The following DNAH9 variants were observed in gnomAD, a reference collection of about 807,000 sequenced individuals.
DNAH9 encodes the protein dynein axonemal heavy chain 9, also known as DNAH9 variant protein.
Under a neutral mutation model 471.6 loss-of-function variants are expected in DNAH9, and 345 were observed. The ratio of observed to expected loss-of-function variants is 0.73; its 90% CI spans 0.67 to 0.80. DNAH9 has a LOEUF of 0.80. Ranked by LOEUF, DNAH9 falls within the 30% of genes least tolerant of loss-of-function variation. The probability of loss-of-function intolerance (pLI) is 0.00; values close to 1 mark genes in which losing one functional copy is unlikely to be tolerated. For synonymous variants in DNAH9, 2,093 were observed against 2,123.6 expected, an observed-to-expected ratio of 0.99 and a Z score of 0.40; for missense variants, 5,407 against 5,609.2, an observed-to-expected ratio of 0.96 and a Z score of 1.15.
chr17:11,757,561 C>A lies in DNAH9; in HGVS notation c.6864C>A (p.Asn2288Lys). Reference sequence around the variant, plus strand: ...TGCTCACAGGGATCTTGTACATCAACCCGGCAGACTTGGGATGGAACCCTC... The same window carrying A: ...TGCTCACAGGGATCTTGTACATCAAACCGGCAGACTTGGGATGGAACCCTC... The part of the protein sequence containing the change: ...TVSRAGILYI[N>K]PADLGWNPPV... The change falls in exon 35 of 69, where the codon AAC becomes AAA. Residue 2288 changes from asparagine to lysine, a missense_variant. Around this residue, in one of 3 missense-constraint regions of DNAH9, gnomAD observed 4,636 missense variants for 4,900.3 expected, o/e 0.95. Transcript: ENST00000262442. 6.2e-7 allele frequency: 1 copy of A among 1,613,568 alleles called. No individual in the cohort carries two copies. Among genetic ancestry groups the A allele is most frequent in the African/African-American group, 1.3e-5 (1 of 75,008 alleles).
At chr17:11,852,814 G>GTGTGTGTATATATATA (rs1169950713) in intron 49 of DNAH9, among the ~76,000 whole-genome samples, 3 of 92,680 alleles carry the variant, frequency 3.2e-5, no homozygotes, top group Non-Finnish European at 6.5e-5. Flanking sequence ...GTGTGTGTGT[G>GTGTGTGTATATATATA]TATATATATA....
chr17:11,963,250 C>T (rs1321744700), intron 68 of DNAH9, among the ~76,000 whole-genome samples: 1 of 152,018 alleles, frequency 6.6e-6, no homozygotes, highest in African/African-American at 2.4e-5. Flanking sequence ...GCCTGACCAA[C>T]ATGGAGAAAC....
chr17:11,740,360 A>T (rs1300744725), intron 29 of DNAH9, among the ~76,000 whole-genome samples: 1 of 152,204 alleles, frequency 6.6e-6, no homozygotes, highest in Non-Finnish European at 1.5e-5. Context: ...TATTTCTCAC[A>T]GTTCTAGAGA....
intron 67 of DNAH9, among the ~76,000 whole-genome samples, chr17:11,959,666 A>G (rs1975912767): frequency 1.3e-5 from 2 of 152,208 alleles, no homozygotes; most frequent in Non-Finnish European, 2.9e-5. Context: ...CTTGCTCATC[A>G]AATTCGGGTT....
Position 11,619,610 on chromosome 17 carries a change from A to C in DNAH9, c.1179A>C (p.Lys393Asn), listed in dbSNP as rs778947231. The C allele has an allele frequency of 6.2e-7, 1 of 1,614,146 alleles. No homozygotes were observed. Reference protein sequence around the residue: ...LRSEVEESQRKLQVVSDTLSF... With the variant: ...LRSEVEESQRNLQVVSDTLSF... Reference sequence around the variant, plus strand: ...GTGAGGTAGAAGAAAGTCAGAGAAAACTGCAAGTGGTCTCAGACACTTTGA... The same window carrying C: ...GTGAGGTAGAAGAAAGTCAGAGAAACCTGCAAGTGGTCTCAGACACTTTGA... Residue 393 changes from lysine to asparagine, a missense_variant, in exon 6 of 69, where the codon AAA (lysine) becomes AAC (asparagine). By Grantham distance (94) the Lys-to-Asn change is moderately conservative (BLOSUM62 0). Around this residue, in one of 3 missense-constraint regions of DNAH9, gnomAD observed 767 missense variants for 692.5 expected, o/e 1.11. Coordinates refer to ENST00000262442, the MANE Select transcript of DNAH9 (RefSeq NM_001372.4).
chr17:11,698,205 A>AT (rs1368016453), intron 22 of DNAH9, among the ~76,000 whole-genome samples: 3 of 120,406 alleles, frequency 2.5e-5, no homozygotes, highest in Admixed American at 1.1e-4. Flanking sequence ...ATAATATATT[A>AT]ATAATATAAT....
At chr17:11,774,738 A>T (rs1221026321) in intron 38 of DNAH9, among the ~76,000 whole-genome samples, 1 of 152,158 alleles carries the variant, frequency 6.6e-6, no homozygotes, top group African/African-American at 2.4e-5. Context: ...ATACATGCAG[A>T]TCTATTTCAT....
intron 36 of DNAH9, among the ~76,000 whole-genome samples, chr17:11,766,565 C>A (rs549117698): frequency 1.3e-5 from 2 of 152,304 alleles, no homozygotes; most frequent in Middle Eastern, 6.8e-3. Context: ...GTCCTCATGT[C>A]CTCCAGGTTA....
At chr17:11,748,743 G>A (rs1350964020) in intron 32 of DNAH9, among the ~76,000 whole-genome samples, 1 of 152,144 alleles carries the variant, frequency 6.6e-6, no homozygotes. Context: ...CTGGAGGACA[G>A]CAGAAAAGAA....
intron 8 of DNAH9, among the ~76,000 whole-genome samples, chr17:11,633,147 A>G (rs10521184): frequency 0.41 from 62,769 of 151,972 alleles, 13,298 homozygotes; most frequent in Middle Eastern, 0.49. Flanking sequence ...AGATCAGGTA[A>G]TACAAAGTGT....
At chr17:11,726,081 A>G (rs1426777453) in intron 27 of DNAH9, among the ~76,000 whole-genome samples, 1 of 152,020 alleles carries the variant, frequency 6.6e-6, no homozygotes, top group African/African-American at 2.4e-5. Context: ...CTCTGCACAT[A>G]TCATTATTCT....
At chr17:11,804,448 T>C (rs1969584688) in intron 43 of DNAH9, among the ~76,000 whole-genome samples, 1 of 152,122 alleles carries the variant, frequency 6.6e-6, no homozygotes, top group Non-Finnish European at 1.5e-5. Context: ...AACACTTCAG[T>C]TGAAAAGCAG....
chr17:11,687,186 G>A (rs1039119076), intron 19 of DNAH9, among the ~76,000 whole-genome samples: 1 of 152,066 alleles, frequency 6.6e-6, no homozygotes, highest in African/African-American at 2.4e-5. Flanking sequence ...GAAATATGTG[G>A]GAGCTAAATA....
chr17:11,602,109 A>AT (rs367956951), intron 1 of DNAH9, among the ~76,000 whole-genome samples: 3,468 of 150,132 alleles, frequency 0.023, 100 homozygotes, highest in African/African-American at 0.063. Context: ...TGAAACTTGG[A>AT]TTTTTTTTTT....
At chr17:11,673,603 T>C (rs920264068) in intron 17 of DNAH9, among the ~76,000 whole-genome samples, 1 of 31,002 alleles carries the variant, frequency 3.2e-5, no homozygotes, top group Non-Finnish European at 1.0e-4. Context: ...TTATATTTGT[T>C]TTTTTTTTTT....
At chr17:11,952,728 A>AT (rs113968592) in intron 67 of DNAH9, among the ~76,000 whole-genome samples, 132 of 151,236 alleles carry the variant, frequency 8.7e-4, no homozygotes, top group Middle Eastern at 3.4e-3. Context: ...CTTAAAGGCC[A>AT]TTTTTTTTTC....
At chr17:11,918,206 T>TTTTG (rs1974018705) in intron 61 of DNAH9, among the ~76,000 whole-genome samples, 1 of 38,018 alleles carries the variant, frequency 2.6e-5, no homozygotes, top group African/African-American at 1.0e-4. Flanking sequence ...TTGGGTGTTT[T>TTTTG]TTTGTTTTGT....
chr17:11,680,958 T>C, intron 19 of DNAH9, 69 bp downstream of exon 19: 1 of 1,374,254 alleles, frequency 7.3e-7, no homozygotes, highest in South Asian at 1.4e-5. Context: ...ATAATCTTTT[T>C]GTGGGGCGTG....
intron 19 of DNAH9, among the ~76,000 whole-genome samples, chr17:11,682,135 T>C (rs2074143569): frequency 1.3e-5 from 2 of 152,166 alleles, no homozygotes; most frequent in South Asian, 2.1e-4. Context: ...TGGCAGCACA[T>C]TGCTTTAGAG....
Sources: allele counts gnomAD v4.1 joint callset (sites outside exome capture counted in the v4.1 genomes callset), GRCh38; gene constraint gnomAD v4.1.1; regional missense constraint gnomAD v4.1.1; transcripts MANE v1.5; gene names NCBI Gene and HGNC (gene_info 2026-07-23, HGNC 2026-07-21).